The following TCEA3 variants were observed in gnomAD, a reference collection of about 807,000 sequenced individuals.
The protein encoded by TCEA3 is transcription elongation factor A protein 3.
A neutral mutation model predicts 44.0 loss-of-function variants in TCEA3; 36 were observed. That is an observed-to-expected ratio of 0.82 (90% CI 0.63 to 1.08). TCEA3 has a LOEUF of 1.08. TCEA3 is among the 50% of genes least tolerant of loss of function. The probability of loss-of-function intolerance (pLI) is 0.00; values close to 1 mark genes in which losing one functional copy is unlikely to be tolerated. For synonymous variants in TCEA3, 162 were observed against 159.7 expected, an observed-to-expected ratio of 1.01 and a Z score of -0.11; for missense variants, 392 against 441.2, an observed-to-expected ratio of 0.89 and a Z score of 1.00.
chr1:23,404,151 C>T (rs747006430), intron 5 of TCEA3: 6 of 702,210 alleles, frequency 8.5e-6, no homozygotes, highest in Non-Finnish European at 1.6e-5. Flanking sequence ...ACTGCATCAG[C>T]GAGCATGCTC....
At chr1:23,423,440 C>T (rs1378412773) in intron 1 of TCEA3, among the ~76,000 whole-genome samples, 1 of 152,230 alleles carries the variant, frequency 6.6e-6, no homozygotes, top group African/African-American at 2.4e-5. Flanking sequence ...TGGACACCAA[C>T]TCATGACTGC....
At chr1:23,408,415 G>A (rs986839801) in intron 5 of TCEA3, 1 of 416,506 alleles carries the variant, frequency 2.4e-6, no homozygotes, top group Non-Finnish European at 4.3e-6. Flanking sequence ...ATGGATGGAT[G>A]AATGAATAAA....
intron 5 of TCEA3, among the ~76,000 whole-genome samples, chr1:23,408,322 C>T (rs1350529875): frequency 6.6e-6 from 1 of 152,102 alleles, no homozygotes; most frequent in Non-Finnish European, 1.5e-5. Context: ...GAGACTGGTC[C>T]CCTGACAGTG....
intron 1 of TCEA3, among the ~76,000 whole-genome samples, chr1:23,420,268 A>G (rs1345874282): frequency 6.6e-6 from 1 of 152,048 alleles, no homozygotes; most frequent in Middle Eastern, 3.2e-3. Flanking sequence ...TTGAGACAAG[A>G]TCTCACTCTG....
At chr1:23,400,546 G>T (rs2148562925) in intron 5 of TCEA3, among the ~76,000 whole-genome samples, 2 of 152,180 alleles carry the variant, frequency 1.3e-5, no homozygotes, top group Admixed American at 1.3e-4. Flanking sequence ...TCCCTCCCAA[G>T]ATGTTTTTGC....
chr1:23,410,633 C>G (rs2148574938), intron 4 of TCEA3, among the ~76,000 whole-genome samples: 1 of 152,018 alleles, frequency 6.6e-6, no homozygotes, highest in African/African-American at 2.4e-5. Flanking sequence ...GAAACCCCAT[C>G]TCTACTAAAA....
intron 4 of TCEA3, among the ~76,000 whole-genome samples, chr1:23,415,180 C>T (rs1639854220): frequency 6.6e-6 from 1 of 151,786 alleles, no homozygotes; most frequent in African/African-American, 2.4e-5. Flanking sequence ...GCACCACTAC[C>T]CCTGGTTAAT....
chr1:23,422,006 C>T (rs1640079181), intron 1 of TCEA3, among the ~76,000 whole-genome samples: 1 of 152,194 alleles, frequency 6.6e-6, no homozygotes, highest in South Asian at 2.1e-4. Flanking sequence ...GTGTATCTCT[C>T]TGAACATACA....
intron 5 of TCEA3, among the ~76,000 whole-genome samples, chr1:23,401,885 C>T (rs546477377): frequency 4.6e-5 from 7 of 152,054 alleles, no homozygotes; most frequent in African/African-American, 1.7e-4. Flanking sequence ...ACGCTCCTTA[C>T]GAGAATCTAA....
At position 23,383,279 on chromosome 1, in the gene TCEA3, C is replaced by CAA. The variant is rs10604385; in HGVS notation, c.1038+1065_1038+1066dup. The stretch of plus-strand genomic sequence containing the variant: ...TGGGCAACAGAGCGAGACTCCATCT[C>CAA]AAAAAAAAAAAAAAAAAAAGTAAAA... On this transcript the variant is annotated intron_variant, in intron 10 of 10. Transcript: ENST00000450454. 1.0e-2 allele frequency among the ~76,000 whole-genome samples: 1,181 copies of CAA among 118,454 alleles called. 15 individuals are homozygous for CAA. The highest frequency in any genetic ancestry group is 0.035 in the African/African-American group (1,052 of 30,456). 77.7% of individuals were successfully genotyped at this position (118,454 alleles called of 152,430 possible).
At chr1:23,397,743 G>A (rs1336640608) in intron 6 of TCEA3, 49 bp downstream of exon 6, 1 of 1,612,398 alleles carries the variant, frequency 6.2e-7, no homozygotes, top group Non-Finnish European at 8.5e-7. Context: ...CAGTGAGATT[G>A]GGAAAAGGGA....
chr1:23,418,090 C>T, intron 2 of TCEA3, 81 bp from the exon 3 acceptor site: 2 of 1,389,816 alleles, frequency 1.4e-6, no homozygotes, highest in East Asian at 2.4e-5. Context: ...CCTGCCCCAG[C>T]TCTACCACCA....
intron 10 of TCEA3, chr1:23,383,384 A>G: frequency 1.1e-6 from 1 of 936,728 alleles, no homozygotes; most frequent in Non-Finnish European, 1.3e-6. Context: ...TCTGTATTTC[A>G]ATTTCCTTGT....
intron 8 of TCEA3, among the ~76,000 whole-genome samples, chr1:23,387,991 T>C (rs1257965990): frequency 1.3e-5 from 2 of 152,076 alleles, no homozygotes; most frequent in African/African-American, 4.8e-5. Flanking sequence ...TCTGAGAGTT[T>C]CTACAGAAGA....
chr1:23,392,780 A>G (rs1278027513), intron 8 of TCEA3, among the ~76,000 whole-genome samples: 1 of 150,002 alleles, frequency 6.7e-6, no homozygotes, highest in Admixed American at 6.6e-5. Flanking sequence ...CACCCACTCC[A>G]CACATACACA....
chr1:23,401,538 C>A (rs1479824973), intron 5 of TCEA3, among the ~76,000 whole-genome samples: 1 of 152,050 alleles, frequency 6.6e-6, no homozygotes, highest in Non-Finnish European at 1.5e-5. Flanking sequence ...CTGGACAGGG[C>A]GTGAACTCGC....
chr1:23,401,258 G>A (rs1335930638), intron 5 of TCEA3, among the ~76,000 whole-genome samples: 1 of 152,206 alleles, frequency 6.6e-6, no homozygotes, highest in Non-Finnish European at 1.5e-5. Flanking sequence ...ATGCATACCG[G>A]TGAGGTGGGC....
chr1:23,423,645 G>C (rs1640129179), intron 1 of TCEA3, among the ~76,000 whole-genome samples: 1 of 152,238 alleles, frequency 6.6e-6, no homozygotes, highest in South Asian at 2.1e-4. Context: ...AACAGGAACG[G>C]GAGGTGGGAA....
In TCEA3 at chr1:23,397,480, T is replaced by G. The variant is rs567123277; in HGVS notation, c.664+65A>C. 21 of 1,503,544 alleles carry G rather than the reference T, an allele frequency of 1.4e-5. No homozygotes were observed. In the South Asian group the frequency reaches 2.5e-4, roughly 18 times the overall value. The allele number at this position is 1,503,544 out of a possible 1,614,324, so 93.1% of individuals were successfully genotyped here. On this transcript the variant is annotated intron_variant, in intron 7 of 10. Coordinates refer to ENST00000450454, the MANE Select transcript of TCEA3 (RefSeq NM_003196.3). ...TCCTTCCTCACTCTCCCAGCTCGCT[T>G]GCACCTTGGATGGGTGCTGCTAGAC...
Sources: allele counts gnomAD v4.1 joint callset (sites outside exome capture counted in the v4.1 genomes callset), GRCh38; gene constraint gnomAD v4.1.1; transcripts MANE v1.5; gene names NCBI Gene and HGNC (gene_info 2026-07-23, HGNC 2026-07-21).